TLL1: variants seen among roughly 807,000 people sequenced by gnomAD.
TLL1 encodes the protein tolloid like 1, also known as tolloid-like protein 1.
In TLL1, 49 loss-of-function variants were observed where a neutral mutation model predicts 128.2. The observed-to-expected ratio is 0.38, with a 90% confidence interval of 0.30 to 0.48. The LOEUF (loss-of-function observed/expected upper bound fraction) is 0.48. Ranked by LOEUF, TLL1 falls within the 20% of genes least tolerant of loss-of-function variation. TLL1 has a pLI of 0.96. For synonymous variants in TLL1, 454 were observed against 418.8 expected (o/e 1.08, Z -1.03); for missense variants, 1,123 against 1,242.0 (o/e 0.90, Z 1.44).
chr4:166,099,627 A>G, intron 20 of TLL1, 100 bp downstream of exon 20: 1 of 180,680 alleles, frequency 5.5e-6, no homozygotes, highest in Non-Finnish European at 8.0e-6. Flanking sequence ...TGCTTTTTGC[A>G]AAAAAAAAAA....
intron 1 of TLL1, among the ~76,000 whole-genome samples, chr4:165,916,607 T>G (rs915013938): frequency 2.0e-5 from 3 of 152,206 alleles, no homozygotes; most frequent in African/African-American, 7.2e-5. Context: ...GGGTGCTTAT[T>G]GTATGATTCT....
intron 16 of TLL1, among the ~76,000 whole-genome samples, chr4:166,072,263 G>A (rs1418993746): frequency 6.6e-6 from 1 of 151,898 alleles, no homozygotes; most frequent in African/African-American, 2.4e-5. Flanking sequence ...TGCGAATGAA[G>A]GCAGGAAACT....
chr4:165,951,850 A>G (rs1310938293), intron 1 of TLL1, among the ~76,000 whole-genome samples: 2 of 152,234 alleles, frequency 1.3e-5, no homozygotes, highest in African/African-American at 4.8e-5. Context: ...ATTATTACCA[A>G]GTTAATCTAA....
chr4:165,960,240 A>G (rs955131118), intron 1 of TLL1, among the ~76,000 whole-genome samples: 1 of 152,148 alleles, frequency 6.6e-6, no homozygotes, highest in South Asian at 2.1e-4. Flanking sequence ...GTGGAAACAC[A>G]CAACCTCCCA....
intron 19 of TLL1, among the ~76,000 whole-genome samples, chr4:166,096,034 A>C (rs1742001910): frequency 6.6e-6 from 1 of 152,158 alleles, no homozygotes; most frequent in African/African-American, 2.4e-5. Context: ...TCTGGAAAAC[A>C]CTCAGAAGCA....
At chr4:166,043,978 T>C (rs575090764) in intron 12 of TLL1, among the ~76,000 whole-genome samples, 2 of 152,196 alleles carry the variant, frequency 1.3e-5, no homozygotes, top group East Asian at 3.9e-4. Context: ...CAATCAGAAT[T>C]TTTGGATCAA....
chr4:166,001,192 G>A (rs550822012), intron 5 of TLL1, among the ~76,000 whole-genome samples: 61 of 152,124 alleles, frequency 4.0e-4, no homozygotes, highest in Middle Eastern at 3.4e-3. Context: ...CAGAAGAGGC[G>A]GTTGGCAATG....
At chr4:165,923,616 T>C (rs943445965) in intron 1 of TLL1, among the ~76,000 whole-genome samples, 1 of 151,694 alleles carries the variant, frequency 6.6e-6, no homozygotes, top group Non-Finnish European at 1.5e-5. Flanking sequence ...TTTGTATTTT[T>C]AGTAGAGACG....
At chr4:166,055,387 G>C in intron 13 of TLL1, 116 bp downstream of exon 13, 1 of 889,652 alleles carries the variant, frequency 1.1e-6, no homozygotes, top group Admixed American at 2.1e-5. Context: ...ATATGAATAA[G>C]GATATTTTGG....
chr4:166,048,217 CA>C (rs1739548032), intron 12 of TLL1, among the ~76,000 whole-genome samples: 1 of 127,028 alleles, frequency 7.9e-6, no homozygotes. Flanking sequence ...GCCTGGGCAA[CA>C]AGAGCGAAAT....
chr4:165,931,576 G>T (rs531407551), intron 1 of TLL1, among the ~76,000 whole-genome samples: 71 of 151,978 alleles, frequency 4.7e-4, no homozygotes, highest in African/African-American at 1.5e-3. Flanking sequence ...AAAATTAGCC[G>T]GGTGTGGTGG....
chr4:165,931,694 G>A (rs1028063580), intron 1 of TLL1, among the ~76,000 whole-genome samples: 56 of 127,776 alleles, frequency 4.4e-4, no homozygotes, highest in African/African-American at 1.6e-3. Flanking sequence ...ACTCCAGCCT[G>A]GGCGACAGAG....
chr4:166,097,487 T>C (rs966884275), intron 19 of TLL1, among the ~76,000 whole-genome samples: 3 of 152,092 alleles, frequency 2.0e-5, no homozygotes, highest in Non-Finnish European at 4.4e-5. Context: ...ATTCTTGTGA[T>C]TGGAACCCTA....
chr4:165,917,918 T>G (rs906356103), intron 1 of TLL1, among the ~76,000 whole-genome samples: 2 of 152,214 alleles, frequency 1.3e-5, no homozygotes, highest in Non-Finnish European at 2.9e-5. Context: ...CTAATTAAAT[T>G]TTTTATCATT....
chr4:165,922,025 G>A (rs1733065220), intron 1 of TLL1, among the ~76,000 whole-genome samples: 1 of 152,108 alleles, frequency 6.6e-6, no homozygotes, highest in Admixed American at 6.5e-5. Flanking sequence ...TTGGATGAGA[G>A]AGAAAGAAAA....
At chr4:166,082,602 C>A (rs1003828870) in intron 18 of TLL1, among the ~76,000 whole-genome samples, 2 of 152,204 alleles carry the variant, frequency 1.3e-5, no homozygotes, top group South Asian at 4.1e-4. Context: ...GAAATTTCAT[C>A]AAGATGTTAC....
intron 15 of TLL1, among the ~76,000 whole-genome samples, chr4:166,065,447 C>T (rs1740525446): frequency 6.6e-6 from 1 of 151,888 alleles, no homozygotes; most frequent in African/African-American, 2.4e-5. Context: ...ATAAAAATCT[C>T]TGAACTTCAG....
At chr4:166,064,980 C>G (rs756160012) in intron 15 of TLL1, among the ~76,000 whole-genome samples, 2 of 151,986 alleles carry the variant, frequency 1.3e-5, no homozygotes, top group Non-Finnish European at 2.9e-5. Context: ...AACATGTGCC[C>G]TGTTGGAACT....
Position 165,873,925 on chromosome 4 carries a change from C to T in TLL1, c.21C>T (p.Ser7=), listed in dbSNP as rs746467752. 1 of 1,614,040 alleles carries T rather than the reference C, an allele frequency of 6.2e-7. No homozygotes were observed. The highest frequency in any genetic ancestry group is 1.1e-5 in the South Asian group (1 of 91,086). The change falls in exon 1 of 21, where the codon TCC becomes TCT. Residue 7 remains serine (S), a synonymous_variant. Coordinates refer to ENST00000061240, the MANE Select transcript of TLL1 (RefSeq NM_012464.5). Reference sequence around the variant, plus strand: ...GGAGGATGGGGTTGGGAACGCTTTCCCCGAGGATGCTCGTGTGGCTGGTGG... The same window carrying T: ...GGAGGATGGGGTTGGGAACGCTTTCTCCGAGGATGCTCGTGTGGCTGGTGG... MGLGTL[S]PRMLVWLVAS...
Sources: gnomAD v4.1 joint callset for allele counts (sites outside exome capture counted in the v4.1 genomes callset) on GRCh38, gnomAD v4.1.1 for gene constraint, MANE v1.5 for transcripts, NCBI Gene and HGNC (gene_info 2026-07-23, HGNC 2026-07-21) for gene names.